The following RP1L1 variants were observed in gnomAD, a reference collection of about 807,000 sequenced individuals.
The protein encoded by RP1L1 is retinitis pigmentosa 1-like 1 protein.
Under a neutral mutation model 15.7 loss-of-function variants are expected in RP1L1, and 27 were observed. The ratio of observed to expected loss-of-function variants is 1.72; its 90% confidence interval spans 1.27 to 2.38. The LOEUF (loss-of-function observed/expected upper bound fraction) is 2.38. Among genes scored for constraint, RP1L1 ranks in the 30% most tolerant of loss-of-function variants. The probability of loss-of-function intolerance (pLI) is 0.00; values close to 1 mark genes in which losing one functional copy is unlikely to be tolerated. For synonymous variants in RP1L1, 1,813 were observed against 1,276.7 expected (o/e 1.42, Z -8.96); for missense variants, 4,798 against 3,075.9 (o/e 1.56, Z -13.24).
Position 10,622,972 on chromosome 8 carries a change from C to T in RP1L1, c.230G>A (p.Gly77Glu), listed in dbSNP as rs764424188. ...ELSQRVPLSF[G>E]VRSVTTPRGL... The stretch of plus-strand genomic sequence containing the variant: ...CCGGGGTGTGGTGACAGAGCGCACC[C>T]CAAAGGAGAGAGGCACGCGCTGGGA... The change falls in exon 2 of 4, where the codon GGG becomes GAG. Residue 77 changes from glycine (G) to glutamate (E), a missense_variant. Gly to Glu is a moderately conservative substitution (Grantham distance 98, BLOSUM62 -2). Coordinates refer to ENST00000382483, the MANE Select transcript of RP1L1 (RefSeq NM_178857.6). 111 of 1,613,964 alleles carry T rather than the reference C, an allele frequency of 6.9e-5. No individual in the cohort carries two copies. Among genetic ancestry groups the T allele is most frequent in the Non-Finnish European group, 8.1e-5 (96 of 1,180,022 alleles).
chr8:10,649,311 G>A (rs1249668182), intron 1 of RP1L1, among the ~76,000 whole-genome samples: 5 of 152,198 alleles, frequency 3.3e-5, no homozygotes, highest in South Asian at 2.1e-4. Context: ...GGCATGTGTC[G>A]GGAGCCTACT....
At position 10,638,716 on chromosome 8, in the gene RP1L1, G is replaced by A. The variant is rs183048829; in HGVS notation, c.-19-15496C>T. On this transcript the variant is annotated intron_variant, in intron 1 of 3. Coordinates refer to ENST00000382483, the MANE Select transcript of RP1L1 (RefSeq NM_178857.6). ...GCAAAGAAAGAGTTAACGTAGCTGGGACTAGGGCTGAGGACAAACAAGGGG... is the reference window on the plus strand; with the variant it reads ...GCAAAGAAAGAGTTAACGTAGCTGGAACTAGGGCTGAGGACAAACAAGGGG... Among the ~76,000 whole-genome samples the A allele has an allele frequency of 1.9e-3, 288 of 152,328 alleles. 2 individuals carry two copies. Among genetic ancestry groups the A allele is most frequent in the Non-Finnish European group, 2.5e-3 (171 of 68,036 alleles).
At position 10,612,056 on chromosome 8, in the gene RP1L1, G is replaced by A. The variant is rs2117204011; in HGVS notation, c.2042C>T (p.Ser681Phe). 3.7e-6 allele frequency: 6 copies of A among 1,613,904 alleles called. No individual in the cohort carries two copies. Among genetic ancestry groups the A allele is most frequent in the Non-Finnish European group, 5.1e-6 (6 of 1,180,042 alleles). The change falls in exon 4 of 4, where the codon TCT becomes TTT. Residue 681 changes from serine to phenylalanine, a missense_variant. Coordinates refer to ENST00000382483, the MANE Select transcript of RP1L1 (RefSeq NM_178857.6). ...RKDTHSPLDS[S>F]VTKQVPRPPE... is the part of the protein sequence containing the mutation. Reference sequence around the variant, plus strand: ...AGGCCTCGGCACTTGCTTGGTTACAGAGGAGTCCAGTGGGCTGTGGGTGTC... The same window carrying A: ...AGGCCTCGGCACTTGCTTGGTTACAAAGGAGTCCAGTGGGCTGTGGGTGTC...
In RP1L1 at chr8:10,612,872, G is replaced by C; in HGVS notation, c.1226C>G (p.Thr409Arg). The C allele has an allele frequency of 6.2e-7, 1 of 1,612,728 alleles. No homozygotes were observed. The highest frequency in any genetic ancestry group is 1.1e-5 in the South Asian group (1 of 91,078). ...GQPGPKYEIW[T>R]NPLHASQGER... ...TCCCTGGGAGGCATGCAGGGGATTC[G>C]TCCAGATTTCATACTTGGGCCCTGG... Residue 409 changes from threonine to arginine, a missense_variant, in exon 4 of 4, where the codon ACG becomes AGG. Coordinates refer to ENST00000382483, the MANE Select transcript of RP1L1 (RefSeq NM_178857.6).
chr8:10,649,180 C>A (rs998951542), intron 1 of RP1L1, among the ~76,000 whole-genome samples: 5 of 152,218 alleles, frequency 3.3e-5, no homozygotes, highest in Non-Finnish European at 2.9e-5. Flanking sequence ...ATTCAAACAA[C>A]CCACAGACAC....
chr8:10,620,344 G>A (rs145485753), intron 2 of RP1L1, among the ~76,000 whole-genome samples: 4,508 of 152,264 alleles, frequency 0.03, 73 homozygotes, highest in Middle Eastern at 0.071. Context: ...GGTGGCTCAC[G>A]CCTGTAGTCT....
rs139971303 is a variant in RP1L1, at chr8:10,611,196, G to A, written c.2902C>T (p.Pro968Ser). 3 of 1,612,942 alleles carry A rather than the reference G, an allele frequency of 1.9e-6. No individual in the cohort carries two copies. The highest frequency in any genetic ancestry group is 1.3e-5 in the African/African-American group (1 of 75,048). ...GCCAACTCATATGTCATGAGTATGGGCTCTTCTGGAATGTTGTCCAGCCAT... is the reference window on the plus strand; with the variant it reads ...GCCAACTCATATGTCATGAGTATGGACTCTTCTGGAATGTTGTCCAGCCAT... ...REWLDNIPEE[P>S]ILMTYELADE... is the part of the protein sequence containing the mutation. The change falls in exon 4 of 4, where the codon CCC (proline) becomes TCC (serine). Residue 968 changes from proline (P) to serine (S), a missense_variant. Pro to Ser is a moderately conservative substitution (Grantham distance 74). Coordinates refer to ENST00000382483, the MANE Select transcript of RP1L1 (RefSeq NM_178857.6).
In RP1L1 at chr8:10,613,024, A is replaced by T. The variant is rs775489196; in HGVS notation, c.1074T>A (p.Val358=). 1.9e-6 allele frequency: 3 copies of T among 1,613,506 alleles called. No homozygotes were observed. The East Asian group carries it at 6.7e-5, about 36-fold the overall frequency. Residue 358 remains valine (V), a synonymous_variant, in exon 4 of 4, where the codon GTT becomes GTA. Coordinates refer to ENST00000382483, the MANE Select transcript of RP1L1 (RefSeq NM_178857.6). ...ALTAASGEDP[V]LGEVDPLCCV... ...AGCAGAGGGGGTCTACCTCCCCCAG[A>T]ACGGGGTCTTCCCCACTGGCTGCCG...
Position 10,613,227 on chromosome 8 carries a change from T to C in RP1L1, c.871A>G (p.Arg291Gly). 6.8e-6 allele frequency: 11 copies of C among 1,613,234 alleles called. No individual in the cohort carries two copies. Among genetic ancestry groups the C allele is most frequent in the Non-Finnish European group, 9.3e-6 (11 of 1,180,016 alleles). ...SNPPVGPAPG[R>G]HPQDTPAQSG... ...TGAGCTGGCGTGTCCTGAGGGTGCC[T>C]GCCAGGAGCAGGGCCCACCGGGGGG... The change falls in exon 4 of 4, where the codon AGG becomes GGG. Residue 291 changes from arginine (R) to glycine (G), a missense_variant. Coordinates refer to ENST00000382483, the MANE Select transcript of RP1L1 (RefSeq NM_178857.6).
At position 10,610,292 on chromosome 8, in the gene RP1L1, C is replaced by A. The variant is rs1797819834; in HGVS notation, c.3806G>T (p.Cys1269Phe). 1.2e-6 allele frequency: 2 copies of A among 1,614,084 alleles called. No individual in the cohort carries two copies. The highest frequency in any genetic ancestry group is 8.5e-7 in the Non-Finnish European group (1 of 1,180,054). The change falls in exon 4 of 4, where the codon TGT becomes TTT. Residue 1269 changes from cysteine (C) to phenylalanine (F), a missense_variant. Coordinates refer to ENST00000382483, the MANE Select transcript of RP1L1 (RefSeq NM_178857.6). Reference sequence around the variant, plus strand: ...TTCTGCTTCATCCTCATTGGTGGCACAAGCGCAGGCTCGGGCGTTCAAGAA... The same window carrying A: ...TTCTGCTTCATCCTCATTGGTGGCAAAAGCGCAGGCTCGGGCGTTCAAGAA... The part of the protein sequence containing the change: ...PTFLNARACA[C>F]ATNEDEAERD...
chr8:10,626,308 G>A (rs1563133149), intron 1 of RP1L1, among the ~76,000 whole-genome samples: 2 of 152,178 alleles, frequency 1.3e-5, no homozygotes, highest in African/African-American at 4.8e-5. Context: ...GGCCCCAGAG[G>A]GCTGAGCAGG....
Position 10,612,737 on chromosome 8 carries a change from C to T in RP1L1, c.1361G>A (p.Ser454Asn), listed in dbSNP as rs758747197. The change falls in exon 4 of 4, where the codon AGC becomes AAC. Residue 454 changes from serine to asparagine, a missense_variant. Ser to Asn is a conservative substitution (Grantham distance 46, BLOSUM62 1). Transcript: ENST00000382483. Reference sequence around the variant, plus strand: ...GGGGAGGCCGGTGCTGGAGGCTGGGCTGGCACTGTCCTGGCTGCATCTCTC... The same window carrying T: ...GGGGAGGCCGGTGCTGGAGGCTGGGTTGGCACTGTCCTGGCTGCATCTCTC... ...GRERCSQDSA[S>N]PASSTGLPEG... 1 of 1,607,010 alleles carries T rather than the reference C, an allele frequency of 6.2e-7. No individual in the cohort carries two copies. The highest frequency in any genetic ancestry group is 2.2e-5 in the East Asian group (1 of 44,846).
rs1798092248 is a variant in RP1L1, at chr8:10,622,980, G to C, written c.222C>G (p.Leu74=). ...TGGTGACAGAGCGCACCCCAAAGGAGAGAGGCACGCGCTGGGAGAGCTCGT... is the reference window on the plus strand; with the variant it reads ...TGGTGACAGAGCGCACCCCAAAGGACAGAGGCACGCGCTGGGAGAGCTCGT... ...LMDELSQRVP[L]SFGVRSVTTP... Residue 74 remains leucine, a synonymous_variant, in exon 2 of 4, where the codon CTC becomes CTG. Transcript: ENST00000382483. 4 of 1,614,180 alleles carry C rather than the reference G, an allele frequency of 2.5e-6. No individual in the cohort carries two copies. Among genetic ancestry groups the C allele is most frequent in the East Asian group, 2.2e-5 (1 of 44,878 alleles).
At chr8:10,613,818 G>A (rs1186811072) in intron 3 of RP1L1, among the ~76,000 whole-genome samples, 2 of 151,776 alleles carry the variant, frequency 1.3e-5, no homozygotes, top group South Asian at 2.1e-4. Flanking sequence ...AGCATGATAA[G>A]GGCAGAGCTA....
In RP1L1 at chr8:10,608,234, T is replaced by C. The variant is rs1285837574; in HGVS notation, c.5864A>G (p.Gln1955Arg). ...EAAQEAEGQT[Q>R]PESEVIESQE... ...GGACTCTATAACTTCTGACTCTGGC[T>C]GGGTCTGCCCTTCTGCCTCCTGGGC... Residue 1955 changes from glutamine to arginine, a missense_variant, in exon 4 of 4, where the codon CAG (glutamine) becomes CGG (arginine). Transcript: ENST00000382483. 1.9e-6 allele frequency: 3 copies of C among 1,567,420 alleles called. No homozygotes were observed. Among genetic ancestry groups the C allele is most frequent in the Admixed American group, 1.8e-5 (1 of 57,042 alleles).
chr8:10,613,181 C>G lies in RP1L1; in HGVS notation c.917G>C (p.Gly306Ala), dbSNP rs761314438. ...GCGGACCTTCTTCTTCATGTCATCGCCAGCCACCAGCGGGCCCGACTGAGC... is the reference window on the plus strand; with the variant it reads ...GCGGACCTTCTTCTTCATGTCATCGGCAGCCACCAGCGGGCCCGACTGAGC... The part of the protein sequence containing the change: ...TPAQSGPLVA[G>A]DDMKKKVRMN... The change falls in exon 4 of 4, where the codon GGC becomes GCC. Residue 306 changes from glycine (G) to alanine (A), a missense_variant. Coordinates refer to ENST00000382483, the MANE Select transcript of RP1L1 (RefSeq NM_178857.6). The G allele has an allele frequency of 7.7e-5, 124 of 1,613,690 alleles. 2 individuals carry two copies. The Middle Eastern group carries it at 7.1e-3, about 92-fold the overall frequency.
Position 10,622,721 on chromosome 8 carries a change from C to T in RP1L1, c.481G>A (p.Asp161Asn). Residue 161 changes from aspartate to asparagine, a missense_variant, in exon 2 of 4, where the codon GAC becomes AAC. Physicochemically the swap from Asp to Asn is conservative, Grantham distance 23 (BLOSUM62 1). Transcript: ENST00000382483. ...ACCACTGTCTGCTGGAGGCGAGGGT[C>T]CATGTTCTTAATCAGCAGTATCCTC... ...PRRILLIKNM[D>N]PRLQQTVVLS... is the part of the protein sequence containing the mutation. 1 of 1,614,150 alleles carries T rather than the reference C, an allele frequency of 6.2e-7. No homozygotes were observed. Among genetic ancestry groups the T allele is most frequent in the South Asian group, 1.1e-5 (1 of 91,074 alleles).
intron 1 of RP1L1, among the ~76,000 whole-genome samples, chr8:10,654,652 T>A (rs1334559147): frequency 1.3e-5 from 2 of 152,182 alleles, no homozygotes; most frequent in African/African-American, 4.8e-5. Flanking sequence ...TAACATCCTG[T>A]AAATCAACGA....
In RP1L1 at chr8:10,654,222, C is replaced by T. The variant is rs568983254; in HGVS notation, c.-20+676G>A. Among the ~76,000 whole-genome samples, 27 of 152,248 alleles carry T rather than the reference C, an allele frequency of 1.8e-4. No homozygotes were observed. The South Asian group carries it at 5.6e-3, about 32-fold the overall frequency. The stretch of plus-strand genomic sequence containing the variant: ...CTGGCCGCTGGGGGGATGTCATTAC[C>T]ATAAAGAGAGCAGACCCCAGTTTGA... On this transcript the variant is annotated intron_variant, in intron 1 of 3. Transcript: ENST00000382483.
Sources: allele counts gnomAD v4.1 joint callset (sites outside exome capture counted in the v4.1 genomes callset), GRCh38; gene constraint gnomAD v4.1.1; transcripts MANE v1.5; gene names NCBI Gene and HGNC (gene_info 2026-07-23, HGNC 2026-07-21).